ERMP1: variants seen among roughly 807,000 people sequenced by gnomAD.
ERMP1 encodes endoplasmic reticulum metallopeptidase 1, also known as Felix-ina.
Under a neutral mutation model 92.0 loss-of-function variants are expected in ERMP1, and 86 were observed. The observed-to-expected ratio is 0.93, with a 90% CI of 0.79 to 1.12. The LOEUF (loss-of-function observed/expected upper bound fraction) is 1.12, where lower values mean the gene tolerates loss of function less well. Among genes scored for constraint, ERMP1 ranks in the 50% most tolerant of loss-of-function variants. The pLI is 0.00. For missense variants in ERMP1, 1,342 were observed against 1,116.3 expected, an observed-to-expected ratio of 1.20 and a Z score of -2.88; for synonymous variants, 530 against 412.8, an observed-to-expected ratio of 1.28 and a Z score of -3.44.
chr9:5,859,370 T>C (rs1194701043), intron 6 of ERMP1, among the ~76,000 whole-genome samples: 2 of 152,100 alleles, frequency 1.3e-5, no homozygotes, highest in Non-Finnish European at 2.9e-5. Flanking sequence ...ACAAGAACCA[T>C]ATAGGATAAT....
intron 6 of ERMP1, among the ~76,000 whole-genome samples, chr9:5,847,711 C>T (rs553738041): frequency 2.6e-5 from 4 of 152,018 alleles, no homozygotes; most frequent in African/African-American, 9.6e-5. Flanking sequence ...CTGGCTAACA[C>T]GGTAAAACCC....
chr9:5,822,872 G>A (rs759853929), intron 4 of ERMP1, among the ~76,000 whole-genome samples: 3 of 152,162 alleles, frequency 2.0e-5, no homozygotes, highest in East Asian at 1.9e-4. Flanking sequence ...AGACCTTGGC[G>A]ATGAGGCTTG....
Position 5,811,205 on chromosome 9 carries a change from G to A in ERMP1, c.1233C>T (p.Ala411=), listed in dbSNP as rs1466631527. The part of the protein sequence containing the change: ...FFDVLGLFVI[A]YPSRIGSIIN... ...TGATTGAGCCAATACGAGAGGGGTA[G>A]GCAATGACAAACAGGCCCAGCACAT... Residue 411 remains alanine, a synonymous_variant, in exon 7 of 15, where the codon GCC becomes GCT. Coordinates refer to ENST00000339450, the MANE Select transcript of ERMP1 (RefSeq NM_024896.3). 3 of 1,613,818 alleles carry A rather than the reference G, an allele frequency of 1.9e-6. No homozygotes were observed. The highest frequency in any genetic ancestry group is 2.5e-6 in the Non-Finnish European group (3 of 1,179,974).
In ERMP1 at chr9:5,801,291, G is replaced by T. The variant is rs550177754; in HGVS notation, c.1952C>A (p.Thr651Asn). 2.5e-6 allele frequency: 4 copies of T among 1,612,042 alleles called. No homozygotes were observed. The highest frequency in any genetic ancestry group is 1.1e-5 in the South Asian group (1 of 90,754). ...FIYLAKSTKK[T>N]MLTLTLVCAI... Reference sequence around the variant, plus strand: ...ACATACCAAAGTTAAAGTTAGCATGGTTTTTTTTGTGCTCTTGGCAAGGTA... The same window carrying T: ...ACATACCAAAGTTAAAGTTAGCATGTTTTTTTTTGTGCTCTTGGCAAGGTA... Residue 651 changes from threonine (T) to asparagine (N), a missense_variant, in exon 11 of 15, where the codon ACC (threonine) becomes AAC (asparagine). Transcript: ENST00000339450.
rs573035632 is a variant in ERMP1, at chr9:5,788,314, A to C, written c.2387-721T>G. 2.0e-5 allele frequency among the ~76,000 whole-genome samples: 3 copies of C among 152,336 alleles called. 1 individual carries two copies. In the South Asian group the frequency reaches 6.2e-4, roughly 32 times the overall value. On this transcript the variant is annotated intron_variant, in intron 13 of 14. Transcript: ENST00000339450. ...AAGTCAGTCCACCCTAAATCTGAAA[A>C]TACTACTATAGTGTCCAGTCAAAGA...
At chr9:5,834,363 C>T (rs1343363817), upstream of ERMP1, among the ~76,000 whole-genome samples, 1 of 152,184 alleles carries the variant, frequency 6.6e-6, no homozygotes, top group Admixed American at 6.5e-5. Flanking sequence ...GATCTCACAG[C>T]ACCATGTTTG....
chr9:5,843,187 G>A (rs1488614180), intron 6 of ERMP1, among the ~76,000 whole-genome samples: 1 of 152,226 alleles, frequency 6.6e-6, no homozygotes, highest in Non-Finnish European at 1.5e-5. Context: ...GGAGTGGTAA[G>A]GACTGGCGTG....
intron 2 of ERMP1, among the ~76,000 whole-genome samples, chr9:5,829,219 CAAA>C (rs546458492): frequency 3.5e-5 from 2 of 56,374 alleles, no homozygotes; most frequent in Admixed American, 1.6e-4. Context: ...GCCCCCCAGC[CAAA>C]AAAAAAAAAA....
chr9:5,862,602 C>G (rs1830533295), intron 5 of ERMP1, among the ~76,000 whole-genome samples: 1 of 152,178 alleles, frequency 6.6e-6, no homozygotes, highest in South Asian at 2.1e-4. Context: ...TTGCCTAAGC[C>G]TCTTAACATG....
intron 13 of ERMP1, among the ~76,000 whole-genome samples, chr9:5,794,838 T>C (rs1264777443): frequency 6.6e-6 from 1 of 152,182 alleles, no homozygotes; most frequent in Non-Finnish European, 1.5e-5. Flanking sequence ...GAAGGAATTA[T>C]ACTAATTCTC....
At chr9:5,792,899 CA>C (rs1430721531) in intron 13 of ERMP1, among the ~76,000 whole-genome samples, 1 of 152,006 alleles carries the variant, frequency 6.6e-6, no homozygotes, top group Non-Finnish European at 1.5e-5. Context: ...AAGTATAATA[CA>C]GGTCAGAAAC....
chr9:5,861,197 G>A (rs138710270), intron 5 of ERMP1, among the ~76,000 whole-genome samples: 2,206 of 148,694 alleles, frequency 0.015, 70 homozygotes, highest in East Asian at 0.1. Context: ...GTGTGTGTGT[G>A]TGTGTGTGTG....
At chr9:5,866,293 T>C (rs73639534) in intron 5 of ERMP1, among the ~76,000 whole-genome samples, 8,028 of 152,268 alleles carry the variant, frequency 0.053, 746 homozygotes, top group African/African-American at 0.18. Flanking sequence ...GGATAATATT[T>C]CTTCTGTTTC....
At chr9:5,818,365 T>A (rs1829401416) in intron 4 of ERMP1, among the ~76,000 whole-genome samples, 1 of 152,104 alleles carries the variant, frequency 6.6e-6, no homozygotes, top group African/African-American at 2.4e-5. Flanking sequence ...AAGAAAAAAA[T>A]TATCATGACC....
At chr9:5,798,285 C>T (rs1402505532) in intron 12 of ERMP1, among the ~76,000 whole-genome samples, 1 of 151,938 alleles carries the variant, frequency 6.6e-6, no homozygotes, top group Non-Finnish European at 1.5e-5. Flanking sequence ...GGCGCGATAT[C>T]GGCTCACCGC....
At chr9:5,807,725 G>A (rs950614845) in intron 8 of ERMP1, among the ~76,000 whole-genome samples, 14 of 151,922 alleles carry the variant, frequency 9.2e-5, no homozygotes, top group South Asian at 2.1e-4. Flanking sequence ...CAACCTGGGC[G>A]ACAGAGTGAG....
At chr9:5,790,119 G>C (rs1489176350) in intron 13 of ERMP1, among the ~76,000 whole-genome samples, 1 of 150,078 alleles carries the variant, frequency 6.7e-6, no homozygotes, top group African/African-American at 2.4e-5. Flanking sequence ...GAGGAAAGTA[G>C]AATAAGCATG....
intron 6 of ERMP1, among the ~76,000 whole-genome samples, chr9:5,841,831 G>A (rs1830166927): frequency 6.6e-6 from 1 of 152,212 alleles, no homozygotes; most frequent in African/African-American, 2.4e-5. Flanking sequence ...CCCTCGCGGT[G>A]AGTGTGACAG....
intron 3 of ERMP1, 40 bp downstream of exon 3, chr9:5,825,052 T>C (rs1829683049): frequency 6.3e-7 from 1 of 1,593,674 alleles, no homozygotes; most frequent in Non-Finnish European, 8.6e-7. Context: ...ATTAATCTCA[T>C]CCTTATTCAA....
Sources: gnomAD v4.1 joint callset for allele counts (sites outside exome capture counted in the v4.1 genomes callset) on GRCh38, gnomAD v4.1.1 for gene constraint, MANE v1.5 for transcripts, NCBI Gene and HGNC (gene_info 2026-07-23, HGNC 2026-07-21) for gene names.